BABAM2: variants seen among roughly 807,000 people sequenced by gnomAD.
BABAM2 encodes BRISC and BRCA1 A complex member 2.
A neutral mutation model predicts 54.7 loss-of-function variants in BABAM2; 31 were observed. The ratio of observed to expected loss-of-function variants is 0.57; its 90% CI spans 0.43 to 0.77. BABAM2 has a LOEUF of 0.77. BABAM2 is among the 30% of genes least tolerant of loss of function. The pLI is 0.00. For missense variants in BABAM2, 364 were observed against 455.8 expected, an observed-to-expected ratio of 0.80 and a Z score of 1.83; for synonymous variants, 167 against 162.9, an observed-to-expected ratio of 1.03 and a Z score of -0.19.
intron 2 of BABAM2, 82 bp from the exon 3 acceptor site, chr2:27,929,750 T>C (rs1350387681): frequency 1.6e-6 from 2 of 1,239,960 alleles, no homozygotes; most frequent in African/African-American, 3.0e-5. Flanking sequence ...GATCCTGTTT[T>C]GTTTAGTATC....
intron 2 of BABAM2, among the ~76,000 whole-genome samples, chr2:27,915,576 G>C (rs974708844): frequency 6.6e-6 from 1 of 152,184 alleles, no homozygotes; most frequent in Admixed American, 6.5e-5. Flanking sequence ...TACGTGGATG[G>C]CACACTTATC....
chr2:28,190,063 A>C (rs1676734785), intron 7 of BABAM2, among the ~76,000 whole-genome samples: 1 of 152,198 alleles, frequency 6.6e-6, no homozygotes, highest in South Asian at 2.1e-4. Context: ...ATTTCAACAA[A>C]TGATGCTGGA....
intron 2 of BABAM2, 80 bp downstream of exon 2, chr2:27,894,764 C>G (rs1468096405): frequency 1.3e-6 from 2 of 1,540,850 alleles, no homozygotes; most frequent in Non-Finnish European, 1.8e-6. Context: ...TTACCAGACT[C>G]ATAAAAATTG....
At chr2:28,188,355 G>A (rs532820511) in intron 7 of BABAM2, among the ~76,000 whole-genome samples, 7 of 152,126 alleles carry the variant, frequency 4.6e-5, no homozygotes, top group Admixed American at 2.6e-4. Flanking sequence ...TGGGGTGGGC[G>A]GAGGGAAGGT....
chr2:28,149,529 T>C (rs1671818461), intron 7 of BABAM2, among the ~76,000 whole-genome samples: 1 of 152,234 alleles, frequency 6.6e-6, no homozygotes, highest in Non-Finnish European at 1.5e-5. Context: ...AGAGTTAAAA[T>C]GAATACTCAG....
intron 6 of BABAM2, among the ~76,000 whole-genome samples, chr2:28,055,589 A>C (rs1220613569): frequency 6.6e-6 from 1 of 152,226 alleles, no homozygotes; most frequent in Non-Finnish European, 1.5e-5. Flanking sequence ...ATATTTTCTT[A>C]GTAAAAATGA....
At chr2:27,944,346 C>T (rs1361769193) in intron 3 of BABAM2, among the ~76,000 whole-genome samples, 1 of 152,060 alleles carries the variant, frequency 6.6e-6, no homozygotes, top group Non-Finnish European at 1.5e-5. Context: ...ATTTCCATTC[C>T]CTAAAGGTAT....
At chr2:28,286,102 G>A (rs1449191146) in intron 10 of BABAM2, among the ~76,000 whole-genome samples, 1 of 151,638 alleles carries the variant, frequency 6.6e-6, no homozygotes, top group Non-Finnish European at 1.5e-5. Context: ...ATTACAGGCA[G>A]GCACCACCAC....
intron 3 of BABAM2, among the ~76,000 whole-genome samples, chr2:27,975,833 G>A (rs1472400715): frequency 6.6e-6 from 1 of 152,014 alleles, no homozygotes; most frequent in African/African-American, 2.4e-5. Context: ...AGAATATGTA[G>A]CTTTCAAAAG....
chr2:28,164,514 C>A (rs1211292892), intron 7 of BABAM2, among the ~76,000 whole-genome samples: 1 of 149,956 alleles, frequency 6.7e-6, no homozygotes, highest in African/African-American at 2.5e-5. Flanking sequence ...TTTTTTCCTT[C>A]TTGGAGTTTG....
intron 3 of BABAM2, among the ~76,000 whole-genome samples, chr2:27,983,882 T>C (rs1672191916): frequency 6.7e-6 from 1 of 149,912 alleles, no homozygotes; most frequent in East Asian, 1.9e-4. Context: ...ACATGCAAGA[T>C]TTATGTCATC....
intron 7 of BABAM2, among the ~76,000 whole-genome samples, chr2:28,196,836 C>CTTTT (rs759950166): frequency 0.024 from 954 of 40,228 alleles, 307 homozygotes; most frequent in African/African-American, 0.081. Flanking sequence ...GAGACCCTGT[C>CTTTT]TTTTTTTTTT....
chr2:27,941,396 A>AAT (rs1668868636), intron 3 of BABAM2, among the ~76,000 whole-genome samples: 1 of 152,108 alleles, frequency 6.6e-6, no homozygotes, highest in South Asian at 2.1e-4. Context: ...CTCTACTAAA[A>AAT]ATACAAAAGA....
intron 2 of BABAM2, among the ~76,000 whole-genome samples, chr2:27,913,558 A>G (rs1369361807): frequency 1.3e-5 from 2 of 152,180 alleles, no homozygotes; most frequent in African/African-American, 4.8e-5. Flanking sequence ...ATCAGTAAAA[A>G]ATCAGAGGAC....
chr2:27,932,837 G>A (rs998573989), intron 3 of BABAM2, among the ~76,000 whole-genome samples: 3 of 152,148 alleles, frequency 2.0e-5, no homozygotes, highest in Non-Finnish European at 4.4e-5. Flanking sequence ...ACAGGTCAAA[G>A]CTTTCCTCTG....
intron 7 of BABAM2, among the ~76,000 whole-genome samples, chr2:28,225,668 T>G (rs1680819228): frequency 6.6e-6 from 1 of 151,806 alleles, no homozygotes; most frequent in South Asian, 2.1e-4. Flanking sequence ...AGAATATGCC[T>G]CAAGCTTCGT....
chr2:28,287,167 A>G (rs1686892962), intron 10 of BABAM2, among the ~76,000 whole-genome samples: 1 of 152,214 alleles, frequency 6.6e-6, no homozygotes, highest in African/African-American at 2.4e-5. Context: ...GAATTCTTTG[A>G]AATTAAAAGC....
At chr2:28,216,845 C>T (rs1297943058) in intron 7 of BABAM2, among the ~76,000 whole-genome samples, 1 of 152,152 alleles carries the variant, frequency 6.6e-6, no homozygotes, top group Non-Finnish European at 1.5e-5. Flanking sequence ...TTTCTTCTCC[C>T]ACCTCCCCGA....
intron 7 of BABAM2, among the ~76,000 whole-genome samples, chr2:28,232,819 C>T (rs1330722526): frequency 6.6e-6 from 1 of 152,118 alleles, no homozygotes; most frequent in Non-Finnish European, 1.5e-5. Context: ...TGCAGACAGA[C>T]CGAAGTTCAC....
Sources: gnomAD v4.1 joint callset for allele counts (sites outside exome capture counted in the v4.1 genomes callset) on GRCh38, gnomAD v4.1.1 for gene constraint, MANE v1.5 for transcripts, NCBI Gene and HGNC (gene_info 2026-07-23, HGNC 2026-07-21) for gene names.